Variants in RPN2 observed in about 807,000 individuals in gnomAD.
RPN2 encodes ribophorin II, also known as dolichyl-diphosphooligosaccharide--protein glycosyltransferase subunit 2.
Under a neutral mutation model 71.4 loss-of-function variants are expected in RPN2, and 29 were observed. The ratio of observed to expected loss-of-function variants is 0.41; its 90% CI spans 0.30 to 0.55. The LOEUF is 0.55. Among genes scored for constraint, RPN2 ranks in the 20% least tolerant of loss-of-function variants. The pLI is 0.35. For synonymous variants in RPN2, 308 were observed against 305.0 expected (o/e 1.01, Z -0.10); for missense variants, 726 against 774.1 (o/e 0.94, Z 0.74).
At position 37,236,677 on chromosome 20, in the gene RPN2, C is replaced by G; in HGVS notation, c.1851C>G (p.Gly617=). 1 of 1,614,068 alleles carries G rather than the reference C, an allele frequency of 6.2e-7. No individual in the cohort carries two copies. Among genetic ancestry groups the G allele is most frequent in the Non-Finnish European group, 8.5e-7 (1 of 1,179,930 alleles). ...TGGGCAGTGTGACGTTTCTGGCTGG[C>G]AATCGGATGCTGGCCCAGCAGGCAG... ...AILGSVTFLA[G]NRMLAQQAVK... is the part of the protein sequence containing the mutation. The change falls in exon 16 of 17, where the codon GGC becomes GGG. Residue 617 remains glycine (G), a synonymous_variant. Coordinates refer to ENST00000237530, the MANE Select transcript of RPN2 (RefSeq NM_002951.5).
In RPN2 at chr20:37,213,495, G is replaced by A. The variant is rs374327258; in HGVS notation, c.987-265G>A. ...TCCCAACTACCAGGGAGGCTGAGGT[G>A]GGAGGATCAGTTGAGCCTACGAGTT... On this transcript the variant is annotated intron_variant, in intron 8 of 16. Coordinates refer to ENST00000237530, the MANE Select transcript of RPN2 (RefSeq NM_002951.5). 2.0e-5 allele frequency among the ~76,000 whole-genome samples: 3 copies of A among 152,178 alleles called. No individual in the cohort carries two copies. In the East Asian group the frequency reaches 5.8e-4, roughly 29 times the overall value.
intron 15 of RPN2, 109 bp from the exon 16 acceptor site, chr20:37,236,471 A>C (rs1054806736): frequency 8.8e-7 from 1 of 1,138,406 alleles, no homozygotes; most frequent in African/African-American, 1.5e-5. Context: ...AAGCTGGTAT[A>C]GGAGTACAGA....
intron 2 of RPN2, among the ~76,000 whole-genome samples, chr20:37,191,806 G>A (rs559094889): frequency 6.6e-6 from 1 of 152,268 alleles, no homozygotes; most frequent in East Asian, 1.9e-4. Flanking sequence ...AACATGCTGG[G>A]CACAGTGGCT....
At chr20:37,198,613 TC>T (rs2067309208) in intron 3 of RPN2, 121 bp downstream of exon 3, 1 of 1,441,694 alleles carries the variant, frequency 6.9e-7, no homozygotes, top group East Asian at 2.5e-5. Flanking sequence ...GAGTGGGAAT[TC>T]CATTCCTGTG....
chr20:37,234,461 G>A (rs543687079), intron 15 of RPN2, among the ~76,000 whole-genome samples: 20 of 152,120 alleles, frequency 1.3e-4, no homozygotes, highest in Admixed American at 3.3e-4. Flanking sequence ...CCACGCTATC[G>A]ATCTTCACAT....
chr20:37,190,305 C>T (rs758937668), intron 2 of RPN2, among the ~76,000 whole-genome samples: 15 of 152,162 alleles, frequency 9.9e-5, no homozygotes, highest in Non-Finnish European at 2.1e-4. Context: ...GAGAGGCATC[C>T]GGCCAGCTGC....
rs6104015 is a variant in RPN2, at chr20:37,198,506, C to T, written c.303+14C>T. The T allele has an allele frequency of 4.7e-3, 7,568 of 1,614,050 alleles. 271 individuals are homozygous for T. The African/African-American group carries it at 0.085, about 18-fold the overall frequency. On this transcript the variant is annotated intron_variant, in intron 3 of 16. Coordinates refer to ENST00000237530, the MANE Select transcript of RPN2 (RefSeq NM_002951.5). ...TCAGGATGTGAGGTGAGTCCGGGTT[C>T]CTACGCTGACAATGACTTTAACTAT...
At chr20:37,194,158 A>G (rs1310344168) in intron 2 of RPN2, among the ~76,000 whole-genome samples, 1 of 152,198 alleles carries the variant, frequency 6.6e-6, no homozygotes, top group Non-Finnish European at 1.5e-5. Flanking sequence ...CAGAAGCCAA[A>G]TTGGAATGAG....
At chr20:37,184,394 G>A in intron 2 of RPN2, 21 bp downstream of exon 2, 1 of 1,605,376 alleles carries the variant, frequency 6.2e-7, no homozygotes, top group Non-Finnish European at 8.5e-7. Context: ...TTTTGTCCTG[G>A]TGGTCAGGGT....
At chr20:37,201,458 T>C (rs1196331435) in intron 4 of RPN2, among the ~76,000 whole-genome samples, 1 of 152,098 alleles carries the variant, frequency 6.6e-6, no homozygotes, top group East Asian at 1.9e-4. Context: ...CCATAAGCTT[T>C]ACTTGCAGTG....
chr20:37,183,254 C>T (rs1044339467), intron 1 of RPN2, among the ~76,000 whole-genome samples: 2 of 149,914 alleles, frequency 1.3e-5, no homozygotes, highest in African/African-American at 4.9e-5. Flanking sequence ...TTGCTCTTGT[C>T]ACTCAGGTTG....
At chr20:37,202,808 G>A (rs1169843386) in intron 4 of RPN2, among the ~76,000 whole-genome samples, 1 of 152,228 alleles carries the variant, frequency 6.6e-6, no homozygotes, top group Non-Finnish European at 1.5e-5. Context: ...AAAGGACACA[G>A]ATTGTATGAT....
chr20:37,217,304 T>C (rs13045170), intron 9 of RPN2, among the ~76,000 whole-genome samples: 12 of 144,058 alleles, frequency 8.3e-5, no homozygotes, highest in Non-Finnish European at 1.6e-4. Flanking sequence ...TATTATTCTT[T>C]TTTTTTTGAA....
chr20:37,209,597 G>A (rs887831684), intron 7 of RPN2, among the ~76,000 whole-genome samples: 1 of 151,962 alleles, frequency 6.6e-6, no homozygotes, highest in African/African-American at 2.4e-5. Flanking sequence ...CTGAGTATCT[G>A]GGACTACAAG....
chr20:37,207,441 A>G lies in RPN2; in HGVS notation c.859A>G (p.Ile287Val), dbSNP rs2067542956. Residue 287 changes from isoleucine to valine, a missense_variant, in exon 7 of 17, where the codon ATC (isoleucine) becomes GTC (valine). By Grantham distance (29) the Ile-to-Val change is conservative (BLOSUM62 3). Coordinates refer to ENST00000237530, the MANE Select transcript of RPN2 (RefSeq NM_002951.5). ...GSASDTHEQA[I>V]LRLQVTNVLS... ...TGCTTCCGACACTCATGAACAGGCT[A>G]TCTTGCGGGTAAGACATCCATGCCC... 3 of 1,614,124 alleles carry G rather than the reference A, an allele frequency of 1.9e-6. No individual in the cohort carries two copies. Among genetic ancestry groups the G allele is most frequent in the South Asian group, 1.1e-5 (1 of 91,082 alleles).
At chr20:37,212,981 C>CT (rs955485875) in intron 8 of RPN2, among the ~76,000 whole-genome samples, 2 of 152,030 alleles carry the variant, frequency 1.3e-5, no homozygotes, top group African/African-American at 4.8e-5. Context: ...AATTCTCTAC[C>CT]TTTTTTTCCC....
intron 13 of RPN2, among the ~76,000 whole-genome samples, chr20:37,230,260 A>G (rs2068203340): frequency 6.6e-6 from 1 of 152,248 alleles, no homozygotes. Flanking sequence ...AACCCCCAGA[A>G]AGCAGAGAGT....
At chr20:37,239,089 A>G (rs2068483237) in intron 16 of RPN2, among the ~76,000 whole-genome samples, 1 of 152,216 alleles carries the variant, frequency 6.6e-6, no homozygotes, top group Admixed American at 6.5e-5. Context: ...AGTGGAGGGA[A>G]GGAGAAGGAG....
intron 13 of RPN2, 75 bp from the exon 14 acceptor site, chr20:37,232,221 T>G: frequency 6.4e-7 from 1 of 1,566,906 alleles, no homozygotes; most frequent in Non-Finnish European, 8.8e-7. Flanking sequence ...CATTGATGCT[T>G]TGGTCCCCGG....
Sources: allele counts gnomAD v4.1 joint callset (sites outside exome capture counted in the v4.1 genomes callset), GRCh38; gene constraint gnomAD v4.1.1; transcripts MANE v1.5; gene names NCBI Gene and HGNC (gene_info 2026-07-23, HGNC 2026-07-21).